The following GRM5 variants were observed in gnomAD, a reference collection of about 807,000 sequenced individuals.
The protein encoded by GRM5 is glutamate metabotropic receptor 5, also known as metabotropic glutamate receptor 5.
Under a neutral mutation model 83.1 loss-of-function variants are expected in GRM5, and 19 were observed. The ratio of observed to expected loss-of-function variants is 0.23; its 90% CI spans 0.16 to 0.34. GRM5 has a LOEUF of 0.34. Among genes scored for constraint, GRM5 ranks in the 10% least tolerant of loss-of-function variants. The pLI, the probability that GRM5 is intolerant of heterozygous loss-of-function variation, is 1.00. For synonymous variants in GRM5, 675 were observed against 633.6 expected (o/e 1.07, Z -0.98); for missense variants, 1,160 against 1,588.3 (o/e 0.73, Z 4.58).
intron 2 of GRM5, among the ~76,000 whole-genome samples, chr11:88,902,166 G>T (rs12421705): frequency 0.022 from 3,318 of 149,950 alleles, 47 homozygotes; most frequent in East Asian, 0.064. Context: ...TTTTTTTTTT[G>T]TTTGTTTGTT....
intron 2 of GRM5, chr11:88,984,948 AC>A: frequency 1.7e-6 from 1 of 586,206 alleles, no homozygotes. Flanking sequence ...AATTTGACTC[AC>A]TTTTTTTCTA....
At position 88,567,553 on chromosome 11, in the gene GRM5, G is replaced by C; in HGVS notation, c.2130C>G (p.Ala710=). ...LICIQLGIIV[A]LFIMEPPDIM... is the part of the protein sequence containing the mutation. Reference sequence around the variant, plus strand: ...TGTCAGGAGGCTCCATTATAAAGAGGGCAACGATGATGCCCAACTGGATGC... The same window carrying C: ...TGTCAGGAGGCTCCATTATAAAGAGCGCAACGATGATGCCCAACTGGATGC... The change falls in exon 8 of 10, where the codon GCC becomes GCG. Residue 710 remains alanine (A), a synonymous_variant. Coordinates refer to ENST00000305447, the MANE Select transcript of GRM5 (RefSeq NM_001143831.3). This position sits in a 1 kb window ranked among gnomAD's most constrained non-coding sequence, Gnocchi z 7.3. 6.2e-7 allele frequency: 1 copy of C among 1,614,058 alleles called. No homozygotes were observed. Among genetic ancestry groups the C allele is most frequent in the Non-Finnish European group, 8.5e-7 (1 of 1,179,930 alleles).
At chr11:89,057,738 T>C (rs192583548) in intron 1 of GRM5, among the ~76,000 whole-genome samples, 1 of 152,292 alleles carries the variant, frequency 6.6e-6, no homozygotes, top group African/African-American at 2.4e-5. Flanking sequence ...CTCTGAAGAC[T>C]GTAAATCATT....
Position 88,508,494 on chromosome 11 carries a change from C to G in GRM5, c.*98G>C. 1.1e-6 allele frequency: 1 copy of G among 951,002 alleles called. No individual in the cohort carries two copies. The allele number at this position is 951,002 out of a possible 1,614,324, so 58.9% of individuals were successfully genotyped here. A position where few individuals can be genotyped will look rare whatever the true frequency, so the allele number is the denominator to read the frequency against. ...TAAGGGGTGCCCTTGGCATCTTCCC[C>G]CTGGGCCGTAACCAGGCGACTATGC... On this transcript the variant is annotated 3_prime_UTR_variant, in exon 10 of 10. Coordinates refer to ENST00000305447, the MANE Select transcript of GRM5 (RefSeq NM_001143831.3). This position sits in a 1 kb window ranked among gnomAD's most constrained non-coding sequence, Gnocchi z 4.2.
At chr11:88,921,128 A>G (rs1448269469) in intron 2 of GRM5, among the ~76,000 whole-genome samples, 3 of 152,084 alleles carry the variant, frequency 2.0e-5, no homozygotes, top group Non-Finnish European at 4.4e-5. Flanking sequence ...GTGTGATTAA[A>G]AACAATATTG....
chr11:88,951,496 T>A (rs1466501332), intron 2 of GRM5, among the ~76,000 whole-genome samples: 2 of 152,224 alleles, frequency 1.3e-5, no homozygotes, highest in Non-Finnish European at 2.9e-5. Flanking sequence ...AGAGCTGATG[T>A]GTCCTGTGTT....
intron 8 of GRM5, among the ~76,000 whole-genome samples, chr11:88,563,231 C>G (rs1468096503): frequency 1.3e-5 from 2 of 152,120 alleles, no homozygotes; most frequent in East Asian, 1.9e-4. Flanking sequence ...GTTGAGAAAA[C>G]AGACTAAAGT....
At chr11:88,978,838 G>C (rs1939429763) in intron 2 of GRM5, among the ~76,000 whole-genome samples, 1 of 152,118 alleles carries the variant, frequency 6.6e-6, no homozygotes, top group Non-Finnish European at 1.5e-5. Flanking sequence ...CTGATGCTCA[G>C]AGTAGGGAAC....
At chr11:88,710,055 C>G (rs1293176541) in intron 3 of GRM5, among the ~76,000 whole-genome samples, 1 of 152,082 alleles carries the variant, frequency 6.6e-6, no homozygotes, top group Admixed American at 6.6e-5. Flanking sequence ...ATTAAACTCC[C>G]CCAGGAGCCG....
intron 8 of GRM5, among the ~76,000 whole-genome samples, chr11:88,558,252 A>G (rs542003132): frequency 4.6e-5 from 7 of 152,212 alleles, no homozygotes; most frequent in African/African-American, 1.7e-4. Flanking sequence ...AAGTAACTAT[A>G]TCAGGGTTTG....
At chr11:88,638,730 A>T (rs543796181) in intron 4 of GRM5, among the ~76,000 whole-genome samples, 31 of 152,054 alleles carry the variant, frequency 2.0e-4, no homozygotes, top group African/African-American at 7.5e-4. Context: ...ATTTCAATGA[A>T]TTTTTTTCAT....
chr11:88,780,420 C>T (rs147071828), intron 3 of GRM5, among the ~76,000 whole-genome samples: 44 of 152,250 alleles, frequency 2.9e-4, no homozygotes, highest in African/African-American at 1.0e-3. Context: ...TCTTCTTAGC[C>T]TCCCTATATA....
intron 3 of GRM5, among the ~76,000 whole-genome samples, chr11:88,751,488 A>G (rs1009698112): frequency 1.3e-5 from 2 of 152,186 alleles, no homozygotes; most frequent in Non-Finnish European, 2.9e-5. Flanking sequence ...ACAAAAGCTC[A>G]GGACCAGACA....
At chr11:88,783,458 A>T (rs191054573) in intron 3 of GRM5, among the ~76,000 whole-genome samples, 1 of 152,272 alleles carries the variant, frequency 6.6e-6, no homozygotes, top group African/African-American at 2.4e-5. Context: ...AGAAACAAAT[A>T]ATAATGCAGG....
chr11:88,891,016 T>C (rs1945135346), intron 2 of GRM5, among the ~76,000 whole-genome samples: 1 of 152,060 alleles, frequency 6.6e-6, no homozygotes, highest in Non-Finnish European at 1.5e-5. Flanking sequence ...GGTTTAAGCA[T>C]GTTGTGGAAA....
chr11:88,566,077 C>T (rs1437032733), intron 8 of GRM5, among the ~76,000 whole-genome samples: 2 of 152,146 alleles, frequency 1.3e-5, no homozygotes, highest in African/African-American at 4.8e-5. Flanking sequence ...ACATATCTTC[C>T]ATTTATTTAT....
At chr11:88,749,923 A>C (rs1942228654) in intron 3 of GRM5, among the ~76,000 whole-genome samples, 1 of 152,148 alleles carries the variant, frequency 6.6e-6, no homozygotes, top group South Asian at 2.1e-4. Context: ...GCCTTGCAAG[A>C]GCTCCTGAAG....
chr11:88,816,046 T>G (rs1326497009), intron 3 of GRM5, among the ~76,000 whole-genome samples: 1 of 144,964 alleles, frequency 6.9e-6, no homozygotes, highest in African/African-American at 2.7e-5. Flanking sequence ...ACCCCGTCTC[T>G]ACTAAAAATA....
intron 3 of GRM5, among the ~76,000 whole-genome samples, chr11:88,680,924 G>T (rs1333499246): frequency 6.6e-6 from 1 of 152,172 alleles, no homozygotes; most frequent in Non-Finnish European, 1.5e-5. Context: ...CAAATACTAT[G>T]TGAGAAAGAT....
Sources: gnomAD v4.1 joint callset for allele counts (sites outside exome capture counted in the v4.1 genomes callset) on GRCh38, gnomAD v4.1.1 for gene constraint, Gnocchi (gnomAD v3.1) non-coding constraint, MANE v1.5 for transcripts, NCBI Gene and HGNC (gene_info 2026-07-23, HGNC 2026-07-21) for gene names.